GALNTL6: variants seen among roughly 807,000 people sequenced by gnomAD.
GALNTL6 encodes the protein polypeptide N-acetylgalactosaminyltransferase like 6, also known as polypeptide N-acetylgalactosaminyltransferase-like 6.
A neutral mutation model predicts 73.7 loss-of-function variants in GALNTL6; 46 were observed. The observed-to-expected ratio is 0.62, with a 90% CI of 0.49 to 0.80. The LOEUF (loss-of-function observed/expected upper bound fraction) is 0.80, where lower values mean the gene tolerates loss of function less well. Among genes scored for constraint, GALNTL6 ranks in the 30% least tolerant of loss-of-function variants. GALNTL6 has a pLI of 0.00. For missense variants in GALNTL6, 604 were observed against 755.0 expected (o/e 0.80, Z 2.34); for synonymous variants, 259 against 263.7 (o/e 0.98, Z 0.17).
intron 2 of GALNTL6, among the ~76,000 whole-genome samples, chr4:171,821,022 C>G (rs1438589151): frequency 6.7e-6 from 1 of 149,108 alleles, no homozygotes; most frequent in East Asian, 2.0e-4. Context: ...GTGGCCTTTC[C>G]TTTTCCCTCA....
At chr4:172,650,493 AG>A (rs1740427122) in intron 5 of GALNTL6, among the ~76,000 whole-genome samples, 1 of 152,236 alleles carries the variant, frequency 6.6e-6, no homozygotes, top group African/African-American at 2.4e-5. Flanking sequence ...ACTTAGCATT[AG>A]TGAGATCAAA....
intron 2 of GALNTL6, among the ~76,000 whole-genome samples, chr4:171,926,506 T>C (rs368357252): frequency 1.4e-4 from 22 of 152,240 alleles, no homozygotes; most frequent in South Asian, 6.2e-4. Context: ...TTATGGAATT[T>C]TTAGATTTTG....
chr4:172,123,020 A>T (rs1350346780), intron 2 of GALNTL6, among the ~76,000 whole-genome samples: 1 of 152,192 alleles, frequency 6.6e-6, no homozygotes, highest in Non-Finnish European at 1.5e-5. Context: ...CTTTACATTG[A>T]TCAGACAAGA....
At position 172,616,531 on chromosome 4, in the gene GALNTL6, T is replaced by G. The variant is rs1015335672; in HGVS notation, c.554-192830T>G. Among the ~76,000 whole-genome samples the G allele has an allele frequency of 1.9e-4, 24 of 123,636 alleles. 1 individual carries two copies. Among genetic ancestry groups the G allele is most frequent in the Non-Finnish European group, 3.5e-4 (21 of 59,532 alleles). 81.1% of individuals were successfully genotyped at this position (123,636 alleles called of 152,430 possible). A position where few individuals can be genotyped will look rare whatever the true frequency, so the allele number is the denominator to read the frequency against. The stretch of plus-strand genomic sequence containing the variant: ...AGCAAAGTTGGCAGAAAATCCATAC[T>G]CTTTTTTTTTTTTTTTTTGCAAAGT... On this transcript the variant is annotated intron_variant, in intron 5 of 12. Transcript: ENST00000506823.
chr4:172,229,997 T>A (rs762078720), intron 3 of GALNTL6, among the ~76,000 whole-genome samples: 1 of 152,126 alleles, frequency 6.6e-6, no homozygotes, highest in Non-Finnish European at 1.5e-5. Context: ...TTAAGAAATA[T>A]ATAGTACTAT....
chr4:172,651,063 TTGA>T (rs1740454155), intron 5 of GALNTL6, among the ~76,000 whole-genome samples: 1 of 152,218 alleles, frequency 6.6e-6, no homozygotes, highest in South Asian at 2.1e-4. Flanking sequence ...AGACTTTTAC[TTGA>T]TGATTAGAAC....
intron 3 of GALNTL6, among the ~76,000 whole-genome samples, chr4:172,293,641 G>A (rs1212770573): frequency 1.3e-5 from 2 of 151,870 alleles, no homozygotes; most frequent in Non-Finnish European, 2.9e-5. Flanking sequence ...TTGCCTATGT[G>A]GGGAAGAGGT....
At chr4:172,437,185 A>T (rs1731665402) in intron 5 of GALNTL6, among the ~76,000 whole-genome samples, 1 of 152,156 alleles carries the variant, frequency 6.6e-6, no homozygotes, top group Non-Finnish European at 1.5e-5. Flanking sequence ...CTATGAGATC[A>T]TACATTTGTC....
At chr4:172,236,860 A>G (rs780045504) in intron 3 of GALNTL6, among the ~76,000 whole-genome samples, 3 of 151,624 alleles carry the variant, frequency 2.0e-5, no homozygotes, top group Non-Finnish European at 2.9e-5. Context: ...TTGATCCTCA[A>G]CCTCCTCCTA....
At chr4:172,951,919 AG>A in intron 9 of GALNTL6, 117 bp from the exon 10 acceptor site, 1 of 716,408 alleles carries the variant, frequency 1.4e-6, no homozygotes, top group South Asian at 1.9e-5. Flanking sequence ...ACCACCAACC[AG>A]GGCTGCCTGA....
chr4:172,818,306 C>T (rs922497524), intron 7 of GALNTL6, among the ~76,000 whole-genome samples: 1 of 152,128 alleles, frequency 6.6e-6, no homozygotes, highest in African/African-American at 2.4e-5. Flanking sequence ...TAGAAATAAT[C>T]GATTCAGCAG....
At chr4:172,429,227 T>TATTTTATTTTATTTTATTTC (rs1561079090) in intron 5 of GALNTL6, among the ~76,000 whole-genome samples, 1 of 151,344 alleles carries the variant, frequency 6.6e-6, no homozygotes, top group African/African-American at 2.4e-5. Flanking sequence ...TATTTTATTT[T>TATTTTATTTTATTTTATTTC]TTGAGACTGA....
At chr4:171,875,023 A>G (rs1388460135) in intron 2 of GALNTL6, among the ~76,000 whole-genome samples, 1 of 152,208 alleles carries the variant, frequency 6.6e-6, no homozygotes, top group Non-Finnish European at 1.5e-5. Context: ...AACAAAAACT[A>G]TCACCATGAA....
chr4:172,506,747 T>A lies in GALNTL6; in HGVS notation c.553+158058T>A, dbSNP rs1231616790. Among the ~76,000 whole-genome samples the A allele has an allele frequency of 3.7e-5, 2 of 54,476 alleles. 1 individual carries two copies. The highest frequency in any genetic ancestry group is 8.4e-5 in the Non-Finnish European group (2 of 23,680). The allele number at this position is 54,476 out of a possible 152,430, so 35.7% of individuals were successfully genotyped here. On this transcript the variant is annotated intron_variant, in intron 5 of 12. Coordinates refer to ENST00000506823, the MANE Select transcript of GALNTL6 (RefSeq NM_001034845.3). The stretch of plus-strand genomic sequence containing the variant: ...AACCAGAATCATGCTTTAAAAAAAA[T>A]CTTACTATGCATTTCCCTGCTTACA...
At chr4:172,865,624 A>G (rs538981806) in intron 7 of GALNTL6, among the ~76,000 whole-genome samples, 37 of 152,362 alleles carry the variant, frequency 2.4e-4, no homozygotes, top group African/African-American at 8.7e-4. Flanking sequence ...AAATATACAC[A>G]TAAATCACTG....
chr4:172,028,990 T>G (rs1159458049), intron 2 of GALNTL6, among the ~76,000 whole-genome samples: 1 of 152,074 alleles, frequency 6.6e-6, no homozygotes, highest in African/African-American at 2.4e-5. Flanking sequence ...CTTTTTCTAA[T>G]ATTTGAACAT....
At chr4:172,152,762 C>A (rs906554885) in intron 2 of GALNTL6, among the ~76,000 whole-genome samples, 3 of 152,264 alleles carry the variant, frequency 2.0e-5, no homozygotes, top group Admixed American at 2.0e-4. Flanking sequence ...GCACCCACCA[C>A]GACGACAAGC....
At chr4:172,356,561 T>TAAGCTGAC (rs771368990) in intron 5 of GALNTL6, among the ~76,000 whole-genome samples, 17 of 152,200 alleles carry the variant, frequency 1.1e-4, no homozygotes, top group Non-Finnish European at 2.5e-4. Flanking sequence ...AGATTTTTCT[T>TAAGCTGAC]AAGCTGACAA....
At chr4:171,935,682 G>T (rs1415902595) in intron 2 of GALNTL6, among the ~76,000 whole-genome samples, 1 of 152,044 alleles carries the variant, frequency 6.6e-6, no homozygotes, top group African/African-American at 2.4e-5. Context: ...TGTGGCCCAG[G>T]CTTCTATATT....
Sources: allele counts gnomAD v4.1 joint callset (sites outside exome capture counted in the v4.1 genomes callset), GRCh38; gene constraint gnomAD v4.1.1; transcripts MANE v1.5; gene names NCBI Gene and HGNC (gene_info 2026-07-23, HGNC 2026-07-21).